Variants in TTC39C observed in about 807,000 individuals in gnomAD.
TTC39C encodes tetratricopeptide repeat domain 39C, also known as tetratricopeptide repeat protein 39C.
TTC39C carries 33 observed loss-of-function variants against 76.3 expected under a neutral mutation model. The ratio of observed to expected loss-of-function variants is 0.43; its 90% CI spans 0.33 to 0.58. The LOEUF is 0.58. Among genes scored for constraint, TTC39C ranks in the 20% least tolerant of loss-of-function variants. The pLI is 0.04. For synonymous variants in TTC39C, 254 were observed against 260.6 expected (o/e 0.97, Z 0.24); for missense variants, 595 against 701.4 (o/e 0.85, Z 1.71).
intron 6 of TTC39C, chr18:24,099,077 CAT>C (rs980996460): frequency 2.5e-5 from 3 of 118,126 alleles, no homozygotes; most frequent in African/African-American, 9.4e-5. Context: ...AACATATATA[CAT>C]ATATATAACA....
chr18:24,044,641 C>T (rs1442656361), intron 1 of TTC39C, among the ~76,000 whole-genome samples: 1 of 152,136 alleles, frequency 6.6e-6, no homozygotes, highest in Non-Finnish European at 1.5e-5. Context: ...GGACCGTCAG[C>T]CTCCAAAGGC....
intron 10 of TTC39C, among the ~76,000 whole-genome samples, chr18:24,126,935 A>G (rs1599352513): frequency 6.6e-6 from 1 of 152,376 alleles, no homozygotes; most frequent in East Asian, 1.9e-4. Context: ...TATTTTTTAA[A>G]TACACAAGTA....
chr18:24,109,123 G>C (rs531284070), intron 6 of TTC39C, among the ~76,000 whole-genome samples: 28 of 143,616 alleles, frequency 1.9e-4, no homozygotes, highest in Non-Finnish European at 2.8e-4. Flanking sequence ...AGGACTGCCT[G>C]AGGCCAGGAG....
intron 1 of TTC39C, among the ~76,000 whole-genome samples, chr18:24,025,419 C>T (rs2083587604): frequency 6.6e-6 from 1 of 152,182 alleles, no homozygotes; most frequent in South Asian, 2.1e-4. Flanking sequence ...ACTCAGATGC[C>T]ACAAGCAGTG....
At chr18:24,108,675 T>G (rs2084775666) in intron 6 of TTC39C, among the ~76,000 whole-genome samples, 1 of 152,248 alleles carries the variant, frequency 6.6e-6, no homozygotes, top group South Asian at 2.1e-4. Flanking sequence ...TTGAATTTTT[T>G]AATTGTGTGG....
rs573127372 is a variant in TTC39C, at chr18:24,094,590, A to G, written c.984+11509A>G. 3.3e-5 allele frequency among the ~76,000 whole-genome samples: 5 copies of G among 152,358 alleles called. No homozygotes were observed. In the East Asian group the frequency reaches 5.8e-4, roughly 18 times the overall value. Reference sequence around the variant, plus strand: ...CCTTGTTCCATGAGCTGCAGAATGGATGTTGTGTTAACAGACATGAAAACA... The same window carrying G: ...CCTTGTTCCATGAGCTGCAGAATGGGTGTTGTGTTAACAGACATGAAAACA... On this transcript the variant is annotated intron_variant, in intron 6 of 13. Transcript: ENST00000317571.
chr18:24,065,252 A>C (rs1243556653), intron 2 of TTC39C, among the ~76,000 whole-genome samples: 1 of 152,258 alleles, frequency 6.6e-6, no homozygotes, highest in Admixed American at 6.5e-5. Context: ...GCCAAGATGG[A>C]GCTGGTGGAA....
intron 1 of TTC39C, chr18:24,020,116 G>A (rs2083501552): frequency 2.4e-6 from 3 of 1,273,756 alleles, no homozygotes; most frequent in Middle Eastern, 3.0e-4. Context: ...AAGAAAAGGA[G>A]AAGAAATGAA....
intron 12 of TTC39C, 131 bp downstream of exon 12, chr18:24,130,548 G>C: frequency 3.8e-6 from 1 of 263,284 alleles, no homozygotes; most frequent in Non-Finnish European, 6.8e-6. Context: ...GTTTTCCTTG[G>C]TTTTACTTAG....
rs376106417 is a variant in TTC39C at position 24,069,174 on chromosome 18, C to T, written c.363C>T (p.Ser121=). ...CCAAACAGGTTGATGTCCGAAAATCCGCCCCCTCTATGGTTGATCGGCTTC... is the reference window on the plus strand; with the variant it reads ...CCAAACAGGTTGATGTCCGAAAATCTGCCCCCTCTATGGTTGATCGGCTTC... ...KIKKNVDVRK[S]APSMVDRLQR... The change falls in exon 4 of 14, where the codon TCC becomes TCT. Residue 121 remains serine, a synonymous_variant. Transcript: ENST00000317571. 1.2e-5 allele frequency: 19 copies of T among 1,613,388 alleles called. No homozygotes were observed. The highest frequency in any genetic ancestry group is 6.6e-5 in the South Asian group (6 of 91,030).
At chr18:24,053,168 A>G (rs531793824) in intron 1 of TTC39C, among the ~76,000 whole-genome samples, 89 of 152,346 alleles carry the variant, frequency 5.8e-4, no homozygotes, top group Admixed American at 2.2e-3. Flanking sequence ...AATATGAATC[A>G]TGTCAAGAAA....
At chr18:24,043,179 T>G (rs1313323098) in intron 1 of TTC39C, among the ~76,000 whole-genome samples, 1 of 152,164 alleles carries the variant, frequency 6.6e-6, no homozygotes, top group African/African-American at 2.4e-5. Context: ...GCAGTATATG[T>G]TGAAAGAAGA....
chr18:24,088,824 T>G (rs949344602), intron 6 of TTC39C, among the ~76,000 whole-genome samples: 1 of 152,196 alleles, frequency 6.6e-6, no homozygotes, highest in Non-Finnish European at 1.5e-5. Flanking sequence ...TCATTTTCAA[T>G]TCCCTACGAA....
chr18:24,041,812 T>G (rs1451603798), intron 1 of TTC39C, among the ~76,000 whole-genome samples: 1 of 152,228 alleles, frequency 6.6e-6, no homozygotes, highest in Non-Finnish European at 1.5e-5. Flanking sequence ...ATGTTAACAT[T>G]TGTAAACATT....
At chr18:24,041,014 G>T (rs1027932758) in intron 1 of TTC39C, among the ~76,000 whole-genome samples, 3 of 152,210 alleles carry the variant, frequency 2.0e-5, no homozygotes, top group Non-Finnish European at 4.4e-5. Flanking sequence ...ATTAGCTACA[G>T]TAGTGAAACG....
At chr18:24,024,860 T>G (rs1313962103) in intron 1 of TTC39C, among the ~76,000 whole-genome samples, 2 of 149,190 alleles carry the variant, frequency 1.3e-5, no homozygotes, top group African/African-American at 4.9e-5. Context: ...AATAAATAGT[T>G]GGTTTTTGTT....
At chr18:24,111,267 A>G (rs1033336607) in intron 6 of TTC39C, among the ~76,000 whole-genome samples, 2 of 151,992 alleles carry the variant, frequency 1.3e-5, no homozygotes, top group East Asian at 3.9e-4. Context: ...TTTTATGATG[A>G]CAAATTAAGA....
At chr18:24,069,296 GGT>G in intron 4 of TTC39C, 25 bp downstream of exon 4, 1 of 1,585,498 alleles carries the variant, frequency 6.3e-7, no homozygotes, top group Non-Finnish European at 8.7e-7. Flanking sequence ...TATTTTTAAT[GGT>G]TTTCAGTATT....
intron 1 of TTC39C, chr18:24,019,984 G>C: frequency 6.8e-7 from 1 of 1,459,918 alleles, no homozygotes; most frequent in Admixed American, 3.1e-5. Context: ...TCAGATTCTT[G>C]GGAGGACTGG....
Sources: allele counts gnomAD v4.1 joint callset (sites outside exome capture counted in the v4.1 genomes callset), GRCh38; gene constraint gnomAD v4.1.1; transcripts MANE v1.5; gene names NCBI Gene and HGNC (gene_info 2026-07-23, HGNC 2026-07-21).